Variants in UNK observed in about 807,000 individuals in gnomAD.
UNK encodes RING finger protein unkempt homolog.
UNK carries 32 observed loss-of-function variants against 97.6 expected under a neutral mutation model. The observed-to-expected ratio is 0.33, with a 90% CI of 0.25 to 0.44. The LOEUF (loss-of-function observed/expected upper bound fraction) is 0.44. Among genes scored for constraint, UNK ranks in the 20% least tolerant of loss-of-function variants. The probability of loss-of-function intolerance (pLI) is 1.00; values close to 1 mark genes in which losing one functional copy is unlikely to be tolerated. For synonymous variants in UNK, 441 were observed against 461.2 expected, an observed-to-expected ratio of 0.96 and a Z score of 0.56; for missense variants, 771 against 1,098.4, an observed-to-expected ratio of 0.70 and a Z score of 4.21.
chr17:75,813,244 AG>A (rs746870964), intron 5 of UNK, 31 bp downstream of exon 5: 1 of 1,554,204 alleles, frequency 6.4e-7, no homozygotes, highest in Admixed American at 1.9e-5. Context: ...CAGCCACGGG[AG>A]GGAGGAGTGG....
rs529816973 is a variant in UNK, at chr17:75,817,794, G to A, written c.1305+268G>A. Among the ~76,000 whole-genome samples the A allele has an allele frequency of 5.3e-5, 8 of 152,272 alleles. No homozygotes were observed. In the East Asian group the frequency reaches 1.5e-3, roughly 29 times the overall value. ...CCCGCCTGGGTGCGGTCCTTCGGCT[G>A]CCCTGAACTGCCTTCATGGAAAGAC... On this transcript the variant is annotated intron_variant, in intron 9 of 15. Transcript: ENST00000589666. This position sits in a 1 kb window ranked among gnomAD's most constrained non-coding sequence, Gnocchi z 5.8.
At chr17:75,801,778 T>A (rs2061861179) in intron 1 of UNK, among the ~76,000 whole-genome samples, 1 of 151,766 alleles carries the variant, frequency 6.6e-6, no homozygotes, top group Admixed American at 6.6e-5. Context: ...CTACTGACCT[T>A]GTGATCCACC....
intron 6 of UNK, among the ~76,000 whole-genome samples, chr17:75,814,907 G>A (rs1157848945): frequency 6.6e-6 from 1 of 152,180 alleles, no homozygotes; most frequent in African/African-American, 2.4e-5. Context: ...TGAGTGGAGA[G>A]TCACTGGGGG....
At chr17:75,808,470 C>T (rs2061938723) in intron 1 of UNK, among the ~76,000 whole-genome samples, 1 of 152,144 alleles carries the variant, frequency 6.6e-6, no homozygotes, top group Non-Finnish European at 1.5e-5. Context: ...CGCACATCCA[C>T]GAAGGTACTG....
At chr17:75,799,071 C>CAA (rs764969741) in intron 1 of UNK, among the ~76,000 whole-genome samples, 2 of 135,242 alleles carry the variant, frequency 1.5e-5, no homozygotes, top group African/African-American at 2.7e-5. Context: ...ATCTCAAAAA[C>CAA]AAAAAAAAAA....
Position 75,816,649 on chromosome 17 carries a change from C to T in UNK, c.962-121C>T, listed in dbSNP as rs529161571. The T allele has an allele frequency of 9.5e-6, 12 of 1,267,512 alleles. No homozygotes were observed. The highest frequency in any genetic ancestry group is 1.5e-5 in the African/African-American group (1 of 67,034). 78.5% of individuals were successfully genotyped at this position (1,267,512 alleles called of 1,614,324 possible). A position where few individuals can be genotyped will look rare whatever the true frequency, so the allele number is the denominator to read the frequency against. On this transcript the variant is annotated intron_variant, in intron 7 of 15. Coordinates refer to ENST00000589666, the MANE Select transcript of UNK (RefSeq NM_001080419.3). This position sits in a 1 kb window ranked among gnomAD's most constrained non-coding sequence, Gnocchi z 4.0. Reference sequence around the variant, plus strand: ...ACAGACATGGTGTTACTAGAGATGTCGTAGGAACCTTCCCTTTATGTGCAG... The same window carrying T: ...ACAGACATGGTGTTACTAGAGATGTTGTAGGAACCTTCCCTTTATGTGCAG...
At chr17:75,785,005 C>CA in intron 1 of UNK, 21 bp downstream of exon 1, 1 of 1,393,820 alleles carries the variant, frequency 7.2e-7, no homozygotes, top group Non-Finnish European at 9.4e-7. Context: ...CCCCCCCCCC[C>CA]CCGCCGCGCG....
rs766195388 is a variant in UNK, at chr17:75,818,724, C to T, written c.1454C>T (p.Pro485Leu). ...ATCACCTCCAGCCTGGCAGCTACCC[C>T]CCCTAGCCCAGTGGGCACCAGCAGC... ...SSITSSLAATPPSPVGTSSVP... is the reference protein window; with the variant it reads ...SSITSSLAATLPSPVGTSSVP... Residue 485 changes from proline to leucine, a missense_variant, in exon 11 of 16, where the codon CCC (proline) becomes CTC (leucine). Pro to Leu is a moderately conservative substitution (Grantham distance 98, BLOSUM62 -3). This residue lies in a region of UNK where 192 missense variants were observed against 202.4 expected (regional missense o/e 0.95). Transcript: ENST00000589666. The surrounding 1 kb of genome is among the most constrained non-coding windows in gnomAD (Gnocchi z 5.1). 3 of 1,613,310 alleles carry T rather than the reference C, an allele frequency of 1.9e-6. No individual in the cohort carries two copies. Among genetic ancestry groups the T allele is most frequent in the Non-Finnish European group, 2.5e-6 (3 of 1,179,580 alleles).
intron 2 of UNK, among the ~76,000 whole-genome samples, chr17:75,811,139 C>T (rs549591905): frequency 9.2e-5 from 14 of 152,106 alleles, no homozygotes; most frequent in East Asian, 7.7e-4. Flanking sequence ...TTAGTAGAGA[C>T]GGGGTTTTGC....
At position 75,805,296 on chromosome 17, in the gene UNK, G is replaced by T. The variant is rs553562377; in HGVS notation, c.105-4464G>T. ...GGCTGTGGTCCCAGCTACCTGGGAG[G>T]CTGAAGTGGGAGGATCGCCTGAGCC... is the stretch of plus-strand genomic sequence containing the variant. On this transcript the variant is annotated intron_variant, in intron 1 of 15. Coordinates refer to ENST00000589666, the MANE Select transcript of UNK (RefSeq NM_001080419.3). Among the ~76,000 whole-genome samples the T allele has an allele frequency of 5.9e-5, 9 of 151,406 alleles. No homozygotes were observed. In the East Asian group the frequency reaches 1.6e-3, roughly 26 times the overall value.
chr17:75,784,876 A>T lies in UNK; in HGVS notation c.-5A>T. ...GGAGCGGCGAAGAGGCAGGAAGACA[A>T]GACCATGTCGAAGGGCCCCGGGCCC... On this transcript the variant is annotated 5_prime_UTR_variant, in exon 1 of 16. In the 5' UTR this introduces an upstream ATG that the reference lacks. Coordinates refer to ENST00000589666, the MANE Select transcript of UNK (RefSeq NM_001080419.3). The T allele has an allele frequency of 6.3e-7, 1 of 1,599,690 alleles. No homozygotes were observed. Among genetic ancestry groups the T allele is most frequent in the Non-Finnish European group, 8.5e-7 (1 of 1,174,218 alleles).
At chr17:75,792,812 C>A (rs2061773629) in intron 1 of UNK, among the ~76,000 whole-genome samples, 1 of 152,232 alleles carries the variant, frequency 6.6e-6, no homozygotes, top group African/African-American at 2.4e-5. Flanking sequence ...TGAGTGCTCT[C>A]TGAATTATAT....
chr17:75,788,506 T>TTTTA (rs1201903868), intron 1 of UNK, among the ~76,000 whole-genome samples: 4 of 151,962 alleles, frequency 2.6e-5, no homozygotes, highest in African/African-American at 7.3e-5. Context: ...CTTTTTAAAC[T>TTTTA]TTTATTTATT....
intron 1 of UNK, chr17:75,785,608 A>C (rs1239577146): frequency 6.6e-6 from 1 of 152,368 alleles, no homozygotes; most frequent in African/African-American, 2.4e-5. Context: ...ATGGGTTCCA[A>C]GTATGTCTGC....
Position 75,812,288 on chromosome 17 carries a change from G to A in UNK, c.491G>A (p.Arg164Lys). Residue 164 changes from arginine to lysine, a missense_variant and splice_region_variant, in exon 3 of 16, where the codon AGG becomes AAG. By Grantham distance (26) the Arg-to-Lys change is conservative. Transcript: ENST00000589666. ...HDLRSPVYDI[R>K]ELQAMEALQN... ...CTCCGCTCCCCTGTCTACGACATCA[G>A]GTGGGCTGGGTGCTGGGCTGGGCTG... is the stretch of plus-strand genomic sequence containing the variant. 1 of 1,609,486 alleles carries A rather than the reference G, an allele frequency of 6.2e-7. No homozygotes were observed. The highest frequency in any genetic ancestry group is 8.5e-7 in the Non-Finnish European group (1 of 1,176,966).
intron 1 of UNK, chr17:75,785,196 C>T: frequency 2.0e-6 from 1 of 509,336 alleles, no homozygotes; most frequent in East Asian, 3.5e-5. Context: ...GAAACTCGGT[C>T]CCGGCCGCCG....
chr17:75,802,985 G>A (rs1157153749), intron 1 of UNK, among the ~76,000 whole-genome samples: 7 of 95,616 alleles, frequency 7.3e-5, no homozygotes, highest in Admixed American at 2.7e-4. Flanking sequence ...ATTACAGGCC[G>A]GACGCGGTGG....
chr17:75,812,349 C>A, intron 3 of UNK, 61 bp downstream of exon 3: 2 of 1,579,320 alleles, frequency 1.3e-6, no homozygotes, highest in Non-Finnish European at 1.7e-6. Flanking sequence ...AGGGGCCTGG[C>A]GGCTAATGAT....
In UNK at chr17:75,818,258, T is replaced by C; in HGVS notation, c.1371+90T>C. 6.9e-7 allele frequency: 1 copy of C among 1,451,686 alleles called. No individual in the cohort carries two copies. The highest frequency in any genetic ancestry group is 9.5e-7 in the Non-Finnish European group (1 of 1,054,684). 89.9% of individuals were successfully genotyped at this position (1,451,686 alleles called of 1,614,324 possible). On this transcript the variant is annotated intron_variant, in intron 10 of 15. Transcript: ENST00000589666. The surrounding 1 kb of genome is among the most constrained non-coding windows in gnomAD (Gnocchi z 5.1). ...GGCTTCGGGGAGTGGGAGGCACCACTTTTCCCAAAAGCTGAGGGCAGGACT... is the reference window on the plus strand; with the variant it reads ...GGCTTCGGGGAGTGGGAGGCACCACCTTTCCCAAAAGCTGAGGGCAGGACT...
Sources: gnomAD v4.1 joint callset for allele counts (sites outside exome capture counted in the v4.1 genomes callset) on GRCh38, gnomAD v4.1.1 for gene constraint, gnomAD v4.1.1 regional missense constraint, Gnocchi (gnomAD v3.1) non-coding constraint, MANE v1.5 for transcripts, NCBI Gene and HGNC (gene_info 2026-07-23, HGNC 2026-07-21) for gene names.